DDX21: variants seen among roughly 807,000 people sequenced by gnomAD.
DDX21 encodes DExD-box helicase 21, also known as nucleolar RNA helicase 2.
A neutral mutation model predicts 90.0 loss-of-function variants in DDX21; 18 were observed. That is an observed-to-expected ratio of 0.20 (90% CI 0.14 to 0.30). The LOEUF is 0.30. Among genes scored for constraint, DDX21 ranks in the 10% least tolerant of loss-of-function variants. DDX21 has a pLI of 1.00. For synonymous variants in DDX21, 294 were observed against 318.0 expected (o/e 0.92, Z 0.80); for missense variants, 673 against 944.5 (o/e 0.71, Z 3.77).
At position 68,977,737 on chromosome 10, in the gene DDX21, C is replaced by T. The variant is rs769785263; in HGVS notation, c.1902+49C>T. 1.9e-6 allele frequency: 3 copies of T among 1,541,584 alleles called. No homozygotes were observed. In the East Asian group the frequency reaches 6.8e-5, roughly 35 times the overall value. ...GACACTTCATAATTTGGGGTATGAGCAGGATATGAAAGGGTTTCATTTAAG... is the reference window on the plus strand; with the variant it reads ...GACACTTCATAATTTGGGGTATGAGTAGGATATGAAAGGGTTTCATTTAAG... On this transcript the variant is annotated intron_variant, in intron 12 of 14. Coordinates refer to ENST00000354185, the MANE Select transcript of DDX21 (RefSeq NM_004728.4).
In DDX21 at chr10:68,977,685, T is replaced by C; in HGVS notation, c.1899T>C (p.Asn633=). 6.2e-7 allele frequency: 1 copy of C among 1,610,314 alleles called. No homozygotes were observed. Residue 633 remains asparagine, a synonymous_variant, in exon 12 of 15, where the codon AAT becomes AAC. Transcript: ENST00000354185. ...ACCAGCGCTCCTTGATCAACTCAAA[T>C]GTGGTAAGGTTCTGCAGCACATTCC... The part of the protein sequence containing the change: ...SVDQRSLINS[N]VGFVTMILQC...
At chr10:68,973,176 C>G (rs1334960843) in intron 9 of DDX21, among the ~76,000 whole-genome samples, 1 of 151,344 alleles carries the variant, frequency 6.6e-6, no homozygotes, top group African/African-American at 2.4e-5. Flanking sequence ...GCCTGAGTGA[C>G]AGAGTGAGAC....
At chr10:68,970,453 G>T in intron 8 of DDX21, 103 bp downstream of exon 8, 120 of 963,026 alleles carry the variant, frequency 1.2e-4, no homozygotes, top group South Asian at 6.5e-4. Flanking sequence ...GTGAATACCA[G>T]TTTAGTTTAG....
chr10:68,971,858 C>T, intron 8 of DDX21, 33 bp from the exon 9 acceptor site: 1 of 1,602,370 alleles, frequency 6.2e-7, no homozygotes, highest in South Asian at 1.1e-5. Context: ...ATTGTTGGAA[C>T]TGGTGTTCTT....
chr10:68,973,798 C>A, intron 10 of DDX21, 134 bp downstream of exon 10: 1 of 1,189,122 alleles, frequency 8.4e-7, no homozygotes, highest in Non-Finnish European at 1.1e-6. Flanking sequence ...TTGTTAGGTA[C>A]ATATGTTGTC....
chr10:68,977,838 T>A, intron 12 of DDX21, 150 bp downstream of exon 12: 1 of 833,728 alleles, frequency 1.2e-6, no homozygotes, highest in Non-Finnish European at 1.7e-6. Flanking sequence ...CCAGACACAG[T>A]GGCTCATGCC....
rs572172970 is a variant in DDX21 at position 68,983,588 on chromosome 10, G to A, written c.*776G>A. On this transcript the variant is annotated 3_prime_UTR_variant, in exon 15 of 15. Coordinates refer to ENST00000354185, the MANE Select transcript of DDX21 (RefSeq NM_004728.4). The stretch of plus-strand genomic sequence containing the variant: ...TTATTTGTAAGTAGGCTGGATAAAT[G>A]GTGCTTAAATGGTAATGTACTCCAC... The A allele has an allele frequency of 7.9e-5, 12 of 151,452 alleles. No individual in the cohort carries two copies. The highest frequency in any genetic ancestry group is 2.4e-4 in the African/African-American group (10 of 41,208). 9.4% of individuals were successfully genotyped at this position (151,452 alleles called of 1,614,324 possible).
intron 4 of DDX21, chr10:68,964,007 G>A (rs1201802519): frequency 3.7e-6 from 1 of 267,546 alleles, no homozygotes; most frequent in Non-Finnish European, 7.4e-6. Context: ...GGCTGAGGCA[G>A]GAGAATGGCG....
chr10:68,971,530 G>T (rs74139951), intron 8 of DDX21, among the ~76,000 whole-genome samples: 11,199 of 152,114 alleles, frequency 0.074, 550 homozygotes, highest in African/African-American at 0.13. Flanking sequence ...ACTGCACCTG[G>T]CCTCACTTCT....
chr10:68,965,681 C>T (rs751214278), intron 5 of DDX21, among the ~76,000 whole-genome samples, 187 bp downstream of exon 5: 7 of 152,108 alleles, frequency 4.6e-5, no homozygotes, highest in Admixed American at 2.0e-4. Context: ...TCCTGTATAT[C>T]GTTCTTAGGA....
intron 11 of DDX21, 62 bp downstream of exon 11, chr10:68,974,805 T>C: frequency 6.9e-7 from 1 of 1,446,156 alleles, no homozygotes. Context: ...CATGTCTTTG[T>C]ACAGTAATAA....
intron 1 of DDX21, chr10:68,956,621 G>C: frequency 1.7e-6 from 2 of 1,207,194 alleles, no homozygotes; most frequent in Non-Finnish European, 2.1e-6. Context: ...TGTCCCACGT[G>C]GTCCCCGGCG....
intron 13 of DDX21, 54 bp downstream of exon 13, chr10:68,979,030 A>G (rs1366845159): frequency 1.2e-6 from 2 of 1,608,480 alleles, no homozygotes; most frequent in Non-Finnish European, 1.7e-6. Flanking sequence ...GGGCAGGAAA[A>G]CAGTGTGGTG....
rs1451618249 is a variant in DDX21, at chr10:68,963,883, G to A, written c.786+414G>A. On this transcript the variant is annotated intron_variant, in intron 4 of 14. Transcript: ENST00000354185. ...TGGGAGCCCGAGGTGGGCGGATCAC[G>A]AGGTCAGGAGATCGAGACCATCCTG... Among the ~76,000 whole-genome samples the A allele has an allele frequency of 5.3e-5, 8 of 152,036 alleles. No individual in the cohort carries two copies. In the East Asian group the frequency reaches 1.6e-3, roughly 30 times the overall value.
chr10:68,973,418 G>C, intron 9 of DDX21, 127 bp from the exon 10 acceptor site: 1 of 1,177,394 alleles, frequency 8.5e-7, no homozygotes, highest in Non-Finnish European at 1.2e-6. Context: ...GAAGTGCTAA[G>C]GGACCTTCTC....
intron 2 of DDX21, among the ~76,000 whole-genome samples, chr10:68,961,362 AAG>A (rs1842870425): frequency 6.6e-6 from 1 of 152,374 alleles, no homozygotes; most frequent in South Asian, 2.1e-4. Flanking sequence ...TGCAAAAAGA[AAG>A]AAATGCTTCC....
intron 1 of DDX21, among the ~76,000 whole-genome samples, chr10:68,959,595 C>T (rs921031363): frequency 5.9e-5 from 9 of 152,070 alleles, no homozygotes; most frequent in Admixed American, 2.6e-4. Context: ...GATATATACC[C>T]GTCTATATAT....
At position 68,963,488 on chromosome 10, in the gene DDX21, A is replaced by G. The variant is rs763950120; in HGVS notation, c.786+19A>G. The G allele has an allele frequency of 1.9e-6, 3 of 1,591,606 alleles. No homozygotes were observed. Among genetic ancestry groups the G allele is most frequent in the South Asian group, 2.3e-5 (2 of 87,696 alleles). On this transcript the variant is annotated intron_variant, in intron 4 of 14. Transcript: ENST00000354185. ...CCCTCAGGTAACTGTCTTAAATACA[A>G]GGGCTCTCAGTCAGCATAGGAAAAA...
chr10:68,976,529 C>A (rs558904781), intron 11 of DDX21, among the ~76,000 whole-genome samples: 1 of 152,176 alleles, frequency 6.6e-6, no homozygotes, highest in Non-Finnish European at 1.5e-5. Flanking sequence ...CCTCATGATC[C>A]GCCCGCCTTG....
Sources: allele counts gnomAD v4.1 joint callset (sites outside exome capture counted in the v4.1 genomes callset), GRCh38; gene constraint gnomAD v4.1.1; transcripts MANE v1.5; gene names NCBI Gene and HGNC (gene_info 2026-07-23, HGNC 2026-07-21).